The following WASHC5 variants were observed in gnomAD, a reference collection of about 807,000 sequenced individuals.
The protein encoded by WASHC5 is WASH complex subunit strumpellin.
A neutral mutation model predicts 150.4 loss-of-function variants in WASHC5; 101 were observed. The ratio of observed to expected loss-of-function variants is 0.67; its 90% CI spans 0.57 to 0.79. WASHC5 has a LOEUF of 0.79. WASHC5 is among the 30% of genes least tolerant of loss of function. The probability of loss-of-function intolerance (pLI) is 0.00; values close to 1 mark genes in which losing one functional copy is unlikely to be tolerated. For missense variants in WASHC5, 1,195 were observed against 1,396.3 expected (o/e 0.86, Z 2.30); for synonymous variants, 467 against 491.2 (o/e 0.95, Z 0.65).
intron 18 of WASHC5, among the ~76,000 whole-genome samples, chr8:125,049,550 T>TTGTCTCAATCAATC (rs1374041143): frequency 3.3e-5 from 5 of 150,340 alleles, no homozygotes; most frequent in East Asian, 2.0e-4. Flanking sequence ...GAGCAAGACT[T>TTGTCTCAATCAATC]AATCTTAAAA....
intron 17 of WASHC5, among the ~76,000 whole-genome samples, chr8:125,052,241 G>A (rs938340379): frequency 6.6e-6 from 1 of 152,136 alleles, no homozygotes; most frequent in African/African-American, 2.4e-5. Flanking sequence ...TTCCTTACAA[G>A]AACAGATTTA....
At chr8:125,072,926 T>A (rs1011293898) in intron 9 of WASHC5, among the ~76,000 whole-genome samples, 13 of 152,170 alleles carry the variant, frequency 8.5e-5, no homozygotes, top group Admixed American at 8.5e-4. Context: ...ACATGAGAGA[T>A]AAACATCCTC....
chr8:125,069,217 T>C (rs1269750232), intron 9 of WASHC5, among the ~76,000 whole-genome samples: 1 of 152,236 alleles, frequency 6.6e-6, no homozygotes, highest in Non-Finnish European at 1.5e-5. Context: ...TTGCACCCAC[T>C]ATCTTGCCCT....
chr8:125,051,214 T>C (rs957276102), intron 17 of WASHC5, among the ~76,000 whole-genome samples: 12 of 152,258 alleles, frequency 7.9e-5, no homozygotes, highest in Admixed American at 2.0e-4. Flanking sequence ...AAATCTGCTA[T>C]CTAACTCTAC....
chr8:125,025,090 G>C (rs1815338814), intron 28 of WASHC5, among the ~76,000 whole-genome samples: 1 of 152,044 alleles, frequency 6.6e-6, no homozygotes, highest in East Asian at 1.9e-4. Flanking sequence ...ATGAGAATGA[G>C]ATACCAAGGC....
intron 4 of WASHC5, 55 bp downstream of exon 4, chr8:125,082,328 G>A: frequency 1.0e-6 from 1 of 994,196 alleles, no homozygotes; most frequent in South Asian, 1.3e-5. Flanking sequence ...AGAAAAAAAA[G>A]TGATACTATG....
At chr8:125,047,482 G>C in intron 19 of WASHC5, 151 bp from the exon 20 acceptor site, 1 of 730,238 alleles carries the variant, frequency 1.4e-6, no homozygotes, top group Non-Finnish European at 2.2e-6. Flanking sequence ...CTGTCCCCCA[G>C]GCTGGAGTGC....
intron 11 of WASHC5, 149 bp downstream of exon 11, chr8:125,063,373 C>G: frequency 2.2e-6 from 2 of 895,550 alleles, no homozygotes; most frequent in Non-Finnish European, 3.6e-6. Context: ...CAAAACTAAC[C>G]TTCAGATCTT....
intron 12 of WASHC5, 63 bp downstream of exon 12, chr8:125,061,019 C>T (rs1407215058): frequency 1.1e-5 from 9 of 852,458 alleles, no homozygotes; most frequent in Non-Finnish European, 1.8e-5. Context: ...GAACAGACTG[C>T]TGGGTGGGTC....
At chr8:125,047,106 C>T in intron 20 of WASHC5, 101 bp downstream of exon 20, 1 of 1,413,664 alleles carries the variant, frequency 7.1e-7, no homozygotes, top group South Asian at 1.2e-5. Flanking sequence ...TTGACAAGTG[C>T]AGGACCCCCG....
At chr8:125,091,209 T>C (rs1031799447) in intron 1 of WASHC5, among the ~76,000 whole-genome samples, 10 of 152,102 alleles carry the variant, frequency 6.6e-5, no homozygotes, top group Admixed American at 6.5e-4. Flanking sequence ...CGAGCAGCAA[T>C]GACTTGCCCA....
chr8:125,050,768 T>A, intron 17 of WASHC5, 103 bp from the exon 18 acceptor site: 3 of 805,642 alleles, frequency 3.7e-6, no homozygotes, highest in Non-Finnish European at 4.3e-6. Context: ...GGCATTTTCC[T>A]ACCTCCTCAC....
intron 5 of WASHC5, among the ~76,000 whole-genome samples, 184 bp from the exon 6 acceptor site, chr8:125,079,114 G>GTATATATATA (rs1194077815): frequency 6.9e-5 from 5 of 71,958 alleles, no homozygotes; most frequent in East Asian, 3.4e-4. Context: ...GTGTGTGTGT[G>GTATATATATA]TGTATATATA....
rs1816448198 is a variant in WASHC5, at chr8:125,057,596, G to A, written c.1835C>T (p.Ser612Leu). Residue 612 changes from serine (S) to leucine (L), a missense_variant, in exon 15 of 29, where the codon TCA (serine) becomes TTA (leucine). Ser to Leu is a moderately radical substitution (Grantham distance 145, BLOSUM62 -2). This residue lies in a region of WASHC5 where 997 missense variants were observed against 1,168.1 expected (regional missense o/e 0.85). Transcript: ENST00000318410. ...TACCAACTCTCCAGAATAGTACTGT[G>A]ACACGCTGAGCAGGTCGGGGCTATT... ...QANSPDLLSV[S>L]QYYSGELVSY... 1 of 1,613,786 alleles carries A rather than the reference G, an allele frequency of 6.2e-7. No individual in the cohort carries two copies. The highest frequency in any genetic ancestry group is 2.2e-5 in the East Asian group (1 of 44,876).
chr8:125,065,323 G>C (rs566935129), intron 10 of WASHC5, among the ~76,000 whole-genome samples: 1 of 152,164 alleles, frequency 6.6e-6, no homozygotes, highest in South Asian at 2.1e-4. Flanking sequence ...ATTTGTATTG[G>C]GTATTTTTTT....
intron 28 of WASHC5, 25 bp downstream of exon 28, chr8:125,028,595 T>A (rs1815438850): frequency 4.6e-6 from 7 of 1,508,316 alleles, no homozygotes; most frequent in Non-Finnish European, 5.5e-6. Flanking sequence ...ACTATTAATA[T>A]TGTTCTTTAC....
At position 125,047,348 on chromosome 8, in the gene WASHC5, T is replaced by A. The variant is rs765118562; in HGVS notation, c.2380-17A>T. On this transcript the variant is annotated splice_polypyrimidine_tract_variant and intron_variant, in intron 19 of 28. Coordinates refer to ENST00000318410, the MANE Select transcript of WASHC5 (RefSeq NM_014846.4). ...ATCTTGAATCTAGAAAACAAAACCA[T>A]CAATATTTAGTAAACCTTTGATAAG... 2.5e-6 allele frequency: 4 copies of A among 1,611,958 alleles called. No homozygotes were observed. The highest frequency in any genetic ancestry group is 1.7e-4 in the Middle Eastern group (1 of 6,054).
chr8:125,034,178 C>T (rs772820059), intron 26 of WASHC5, among the ~76,000 whole-genome samples: 125 of 152,070 alleles, frequency 8.2e-4, no homozygotes, highest in Non-Finnish European at 1.2e-3. Context: ...ATTAAAGCTG[C>T]AACAAGATAC....
chr8:125,069,745 A>C (rs1046776682), intron 9 of WASHC5, among the ~76,000 whole-genome samples: 1 of 152,236 alleles, frequency 6.6e-6, no homozygotes, highest in African/African-American at 2.4e-5. Flanking sequence ...ACTATGTGGG[A>C]AGAAATATAT....
Sources: allele counts gnomAD v4.1 joint callset (sites outside exome capture counted in the v4.1 genomes callset), GRCh38; gene constraint gnomAD v4.1.1; regional missense constraint gnomAD v4.1.1; transcripts MANE v1.5; gene names NCBI Gene and HGNC (gene_info 2026-07-23, HGNC 2026-07-21).